Variants in MAP2K5 observed in about 807,000 individuals in gnomAD.
The protein encoded by MAP2K5 is dual specificity mitogen-activated protein kinase kinase 5.
MAP2K5 carries 49 observed loss-of-function variants against 83.1 expected under a neutral mutation model. That is an observed-to-expected ratio of 0.59 (90% confidence interval 0.47 to 0.75). MAP2K5 has a LOEUF of 0.75. Among genes scored for constraint, MAP2K5 ranks in the 30% least tolerant of loss-of-function variants. MAP2K5 has a pLI of 0.00. For synonymous variants in MAP2K5, 202 were observed against 191.8 expected, an observed-to-expected ratio of 1.05 and a Z score of -0.44; for missense variants, 457 against 557.5, an observed-to-expected ratio of 0.82 and a Z score of 1.82.
At position 67,768,130 on chromosome 15, in the gene MAP2K5, G is replaced by T. The variant is rs2090075410; in HGVS notation, c.1135-1472G>T. Among the ~76,000 whole-genome samples, 1 of 152,024 alleles carries T rather than the reference G, an allele frequency of 6.6e-6. No individual in the cohort carries two copies. Among genetic ancestry groups the T allele is most frequent in the African/African-American group, 2.4e-5 (1 of 41,484 alleles). On this transcript the variant is annotated intron_variant, in intron 19 of 21. Coordinates refer to ENST00000178640, the MANE Select transcript of MAP2K5 (RefSeq NM_145160.3). The surrounding 1 kb of genome is among the most constrained non-coding windows in gnomAD (Gnocchi z 4.0). The stretch of plus-strand genomic sequence containing the variant: ...CCCCTTAGTTCCTTTTGATTTAATT[G>T]TATTTTCCAGCACTTTCCAATTGTT...
intron 17 of MAP2K5, among the ~76,000 whole-genome samples, chr15:67,729,146 T>G (rs1339787142): frequency 6.6e-6 from 1 of 152,216 alleles, no homozygotes; most frequent in Non-Finnish European, 1.5e-5. Context: ...GATTTTAGTG[T>G]ATATAGCCTT....
At position 67,779,843 on chromosome 15, in the gene MAP2K5, T is replaced by C. The variant is rs1004341198; in HGVS notation, c.1242+7091T>C. Among the ~76,000 whole-genome samples the C allele has an allele frequency of 5.3e-5, 8 of 152,232 alleles. No individual in the cohort carries two copies. Among genetic ancestry groups the C allele is most frequent in the Non-Finnish European group, 1.0e-4 (7 of 68,044 alleles). ...GTAAAGTGGATCAGTTGGGCTGCTC[T>C]TCAGTGCCGTGCCAGATTTGCGGCA... On this transcript the variant is annotated intron_variant, in intron 21 of 21. Coordinates refer to ENST00000178640, the MANE Select transcript of MAP2K5 (RefSeq NM_145160.3). The surrounding 1 kb of genome is among the most constrained non-coding windows in gnomAD (Gnocchi z 4.6).
chr15:67,647,583 C>A (rs576163051), intron 11 of MAP2K5, among the ~76,000 whole-genome samples: 1 of 151,238 alleles, frequency 6.6e-6, no homozygotes. Context: ...CTCATCTTTA[C>A]AAAAAAATTT....
rs1301426337 is a variant in MAP2K5, at chr15:67,768,087, T to C, written c.1135-1515T>C. ...GTCTGTTTTTTGTTGTTTTTGTTTGTTTTTTGGCTGCCTTGACCCCCTTAG... is the reference window on the plus strand; with the variant it reads ...GTCTGTTTTTTGTTGTTTTTGTTTGCTTTTTGGCTGCCTTGACCCCCTTAG... On this transcript the variant is annotated intron_variant, in intron 19 of 21. Transcript: ENST00000178640. This position sits in a 1 kb window ranked among gnomAD's most constrained non-coding sequence, Gnocchi z 4.0. 6.6e-6 allele frequency among the ~76,000 whole-genome samples: 1 copy of C among 152,136 alleles called. No individual in the cohort carries two copies. The highest frequency in any genetic ancestry group is 1.5e-5 in the Non-Finnish European group (1 of 68,024).
At chr15:67,628,050 G>C in intron 8 of MAP2K5, 1 of 730,850 alleles carries the variant, frequency 1.4e-6, no homozygotes, top group Non-Finnish European at 2.5e-6. Flanking sequence ...TGTGGAGGCA[G>C]TGGATGCAGC....
intron 8 of MAP2K5, among the ~76,000 whole-genome samples, chr15:67,605,084 C>T (rs1211052765): frequency 2.0e-5 from 3 of 146,824 alleles, no homozygotes; most frequent in Admixed American, 6.8e-5. Flanking sequence ...GACAGAGTCT[C>T]GCTCTGTCGC....
chr15:67,630,095 A>T (rs1872025053), intron 8 of MAP2K5, among the ~76,000 whole-genome samples: 1 of 152,192 alleles, frequency 6.6e-6, no homozygotes, highest in Non-Finnish European at 1.5e-5. Context: ...AAAAAGTAGC[A>T]TGGTGGCATG....
In MAP2K5 at chr15:67,785,479, A is replaced by T. The variant is rs534956925; in HGVS notation, c.1242+12727A>T. Among the ~76,000 whole-genome samples, 6 of 152,344 alleles carry T rather than the reference A, an allele frequency of 3.9e-5. No homozygotes were observed. Among genetic ancestry groups the T allele is most frequent in the African/African-American group, 1.4e-4 (6 of 41,580 alleles). On this transcript the variant is annotated intron_variant, in intron 21 of 21. Coordinates refer to ENST00000178640, the MANE Select transcript of MAP2K5 (RefSeq NM_145160.3). The surrounding 1 kb of genome is among the most constrained non-coding windows in gnomAD (Gnocchi z 4.4). ...ACAGCTGTAGGGAATACAGAGGGCT[A>T]TCAGACACTAATCCAGCAAACACAA...
chr15:67,738,725 T>C lies in MAP2K5; in HGVS notation c.1075-9506T>C, dbSNP rs1000538493. 1.3e-5 allele frequency among the ~76,000 whole-genome samples: 2 copies of C among 152,196 alleles called. No individual in the cohort carries two copies. The highest frequency in any genetic ancestry group is 1.3e-4 in the Admixed American group (2 of 15,284). Reference sequence around the variant, plus strand: ...CACACAACCACACGAGCAGCTCTGCTTCTATCTGGTAATTTTTAAATGCAT... The same window carrying C: ...CACACAACCACACGAGCAGCTCTGCCTCTATCTGGTAATTTTTAAATGCAT... On this transcript the variant is annotated intron_variant, in intron 17 of 21. Coordinates refer to ENST00000178640, the MANE Select transcript of MAP2K5 (RefSeq NM_145160.3). This position sits in a 1 kb window ranked among gnomAD's most constrained non-coding sequence, Gnocchi z 4.1.
At chr15:67,753,981 A>AATG (rs1566953038) in intron 19 of MAP2K5, among the ~76,000 whole-genome samples, 1 of 152,270 alleles carries the variant, frequency 6.6e-6, no homozygotes, top group African/African-American at 2.4e-5. Flanking sequence ...TATAAATAGG[A>AATG]ATGAAGTACT....
rs1346158336 is a variant in MAP2K5 at position 67,720,761 on chromosome 15, A to G, written c.1045-7155A>G. ...AGTGTATTTTATGGGCCTTTGCTTCAGTGGCTCGAAAGCACATATGCTCCA... is the reference window on the plus strand; with the variant it reads ...AGTGTATTTTATGGGCCTTTGCTTCGGTGGCTCGAAAGCACATATGCTCCA... On this transcript the variant is annotated intron_variant, in intron 16 of 21. Transcript: ENST00000178640. This position sits in a 1 kb window ranked among gnomAD's most constrained non-coding sequence, Gnocchi z 5.7. 6.6e-6 allele frequency among the ~76,000 whole-genome samples: 1 copy of G among 152,216 alleles called. No homozygotes were observed. The highest frequency in any genetic ancestry group is 1.5e-5 in the Non-Finnish European group (1 of 68,032).
intron 8 of MAP2K5, among the ~76,000 whole-genome samples, chr15:67,623,759 G>A (rs1375550778): frequency 1.3e-5 from 2 of 151,498 alleles, no homozygotes; most frequent in African/African-American, 4.8e-5. Context: ...CACCACACTG[G>A]GCTAATTTTG....
intron 17 of MAP2K5, among the ~76,000 whole-genome samples, chr15:67,739,633 A>T (rs865965167): frequency 6.6e-6 from 1 of 150,998 alleles, no homozygotes; most frequent in Non-Finnish European, 1.5e-5. Flanking sequence ...GGCATGTGCC[A>T]CCACACCTGG....
chr15:67,568,299 A>G (rs1207523064), intron 3 of MAP2K5, among the ~76,000 whole-genome samples: 2 of 152,196 alleles, frequency 1.3e-5, no homozygotes, highest in East Asian at 3.9e-4. Context: ...GACGTTGAGT[A>G]CTATGAGGGA....
Position 67,669,656 on chromosome 15 carries a change from T to G in MAP2K5, c.847+5011T>G, listed in dbSNP as rs574230330. On this transcript the variant is annotated intron_variant, in intron 13 of 21. Coordinates refer to ENST00000178640, the MANE Select transcript of MAP2K5 (RefSeq NM_145160.3). ...AGAAGTGGTGATTCTGGATATATTT[T>G]AAATGTATAGTTGATAGAATTTGCT... Among the ~76,000 whole-genome samples the G allele has an allele frequency of 3.3e-5, 5 of 152,240 alleles. No homozygotes were observed. In the South Asian group the frequency reaches 1.0e-3, roughly 32 times the overall value.
At chr15:67,804,721 G>C (rs766256658) in intron 21 of MAP2K5, among the ~76,000 whole-genome samples, 16 of 152,292 alleles carry the variant, frequency 1.1e-4, no homozygotes, top group African/African-American at 2.9e-4. Flanking sequence ...CCCCGGGCGT[G>C]GGGGGAGGGG....
intron 13 of MAP2K5, among the ~76,000 whole-genome samples, chr15:67,678,222 A>T (rs1261811585): frequency 2.6e-5 from 4 of 152,166 alleles, no homozygotes; most frequent in African/African-American, 9.7e-5. Context: ...AACATAATGA[A>T]AGAGCATTGC....
intron 13 of MAP2K5, among the ~76,000 whole-genome samples, chr15:67,688,328 G>A (rs2088010427): frequency 6.6e-6 from 1 of 152,132 alleles, no homozygotes; most frequent in South Asian, 2.1e-4. Flanking sequence ...GAAGTGACGT[G>A]GTCTGACTTA....
At chr15:67,589,055 G>C (rs2085344545) in intron 6 of MAP2K5, among the ~76,000 whole-genome samples, 1 of 151,452 alleles carries the variant, frequency 6.6e-6, no homozygotes, top group Admixed American at 6.6e-5. Context: ...GTGCTGCCTA[G>C]GCTAGTCTCA....
Sources: allele counts gnomAD v4.1 joint callset (sites outside exome capture counted in the v4.1 genomes callset), GRCh38; gene constraint gnomAD v4.1.1; non-coding constraint Gnocchi (gnomAD v3.1); transcripts MANE v1.5; gene names NCBI Gene and HGNC (gene_info 2026-07-23, HGNC 2026-07-21).